Variants in LHFPL4 observed in about 807,000 individuals in gnomAD.
The protein encoded by LHFPL4 is LHFPL tetraspan subfamily member 4 protein.
LHFPL4 carries 6 observed loss-of-function variants against 20.0 expected under a neutral mutation model. That is an observed-to-expected ratio of 0.30 (90% CI 0.16 to 0.59). The LOEUF is 0.59. Among genes scored for constraint, LHFPL4 ranks in the 20% least tolerant of loss-of-function variants. The probability of loss-of-function intolerance (pLI) is 0.88; values close to 1 mark genes in which losing one functional copy is unlikely to be tolerated. For missense variants in LHFPL4, 215 were observed against 331.2 expected (o/e 0.65, Z 2.72); for synonymous variants, 129 against 143.8 (o/e 0.90, Z 0.74).
At position 9,521,465 on chromosome 3, in the gene LHFPL4, G is replaced by A. The variant is rs138370127; in HGVS notation, c.407-15262C>T. On this transcript the variant is annotated intron_variant, in intron 2 of 3. Coordinates refer to ENST00000287585, the MANE Select transcript of LHFPL4 (RefSeq NM_198560.3). ...TGCTGGGGCTGGAGTGCAGTGGCAC[G>A]ATCTCAGCTCACTGCAAGCTCCACC... Among the ~76,000 whole-genome samples the A allele has an allele frequency of 4.7e-3, 716 of 151,146 alleles. 13 individuals carry two copies. The highest frequency in any genetic ancestry group is 0.016 in the African/African-American group (639 of 41,076).
At chr3:9,504,417 T>A (rs2046201437) in intron 3 of LHFPL4, among the ~76,000 whole-genome samples, 1 of 150,884 alleles carries the variant, frequency 6.6e-6, no homozygotes, top group Admixed American at 6.6e-5. Flanking sequence ...CTACCCATAA[T>A]TTGCATATAC....
intron 2 of LHFPL4, among the ~76,000 whole-genome samples, chr3:9,518,046 G>C (rs1280935432): frequency 6.6e-6 from 1 of 152,030 alleles, no homozygotes; most frequent in Non-Finnish European, 1.5e-5. Flanking sequence ...TATAATGTCT[G>C]TTGTAGGTTT....
intron 2 of LHFPL4, among the ~76,000 whole-genome samples, chr3:9,511,615 A>C (rs1052623336): frequency 2.6e-5 from 4 of 152,202 alleles, no homozygotes; most frequent in Non-Finnish European, 4.4e-5. Context: ...TAAATAGAAA[A>C]ACACTATAAA....
At position 9,501,697 on chromosome 3, in the gene LHFPL4, G is replaced by A. The variant is rs968353216; in HGVS notation, c.*514C>T. 4 of 153,854 alleles carry A rather than the reference G, an allele frequency of 2.6e-5. No individual in the cohort carries two copies. The highest frequency in any genetic ancestry group is 1.3e-4 in the Admixed American group (2 of 15,632). 9.5% of individuals were successfully genotyped at this position (153,854 alleles called of 1,614,324 possible). On this transcript the variant is annotated 3_prime_UTR_variant, in exon 4 of 4. Transcript: ENST00000287585. Reference sequence around the variant, plus strand: ...CCAGGGGAGACTGGTGGCACCTGGAGCTTTGTGGCAGATGTGGTGGAACCA... The same window carrying A: ...CCAGGGGAGACTGGTGGCACCTGGAACTTTGTGGCAGATGTGGTGGAACCA...
intron 2 of LHFPL4, among the ~76,000 whole-genome samples, chr3:9,543,510 A>G (rs1027996199): frequency 1.8e-4 from 27 of 151,356 alleles, no homozygotes; most frequent in African/African-American, 6.6e-4. Flanking sequence ...AAAACAAAAA[A>G]AAAAGAAAAA....
At chr3:9,511,730 C>G (rs2046262426) in intron 2 of LHFPL4, among the ~76,000 whole-genome samples, 1 of 152,098 alleles carries the variant, frequency 6.6e-6, no homozygotes, top group South Asian at 2.1e-4. Context: ...TTTAAAAGAC[C>G]TATTAGTAAG....
intron 2 of LHFPL4, among the ~76,000 whole-genome samples, chr3:9,532,089 A>T (rs1308425506): frequency 5.3e-5 from 8 of 149,850 alleles, no homozygotes; most frequent in African/African-American, 2.0e-4. Context: ...ACAGTGGCAC[A>T]ATCGCGGCTC....
chr3:9,504,525 T>TA (rs139044714), intron 3 of LHFPL4, among the ~76,000 whole-genome samples: 16,253 of 152,076 alleles, frequency 0.11, 1,077 homozygotes, highest in Middle Eastern at 0.17. Flanking sequence ...CTTTGCTTTT[T>TA]AAAAAAATAT....
At chr3:9,526,901 T>A (rs2046379070) in intron 2 of LHFPL4, among the ~76,000 whole-genome samples, 1 of 152,090 alleles carries the variant, frequency 6.6e-6, no homozygotes, top group South Asian at 2.1e-4. Context: ...GATATTGGAC[T>A]TCTTAGCCTC....
intron 2 of LHFPL4, among the ~76,000 whole-genome samples, chr3:9,544,333 G>A (rs369999340): frequency 4.0e-5 from 6 of 151,638 alleles, no homozygotes; most frequent in Non-Finnish European, 8.8e-5. Context: ...CTGTCTACAA[G>A]TAAAGTCTGG....
In LHFPL4 at chr3:9,499,633, A is replaced by ACTC. The variant is rs2046156514; in HGVS notation, c.*2575_*2577dup. On this transcript the variant is annotated 3_prime_UTR_variant, in exon 4 of 4. Transcript: ENST00000287585. ...TACGTCCTCTGAAGTGGCTTCCTTC[A>ACTC]CTCCAGTTCTTCCCAAAAGGATGCG... is the stretch of plus-strand genomic sequence containing the variant. 1 of 152,078 alleles carries ACTC rather than the reference A, an allele frequency of 6.6e-6. No individual in the cohort carries two copies. Among genetic ancestry groups the ACTC allele is most frequent in the African/African-American group, 2.4e-5 (1 of 41,292 alleles). 9.4% of individuals were successfully genotyped at this position (152,078 alleles called of 1,614,324 possible). A position where few individuals can be genotyped will look rare whatever the true frequency, so the allele number is the denominator to read the frequency against.
chr3:9,519,937 G>A (rs2046327714), intron 2 of LHFPL4, among the ~76,000 whole-genome samples: 1 of 152,132 alleles, frequency 6.6e-6, no homozygotes, highest in African/African-American at 2.4e-5. Flanking sequence ...GAGATTGTAG[G>A]TGTGAGTCAC....
In LHFPL4 at chr3:9,528,703, T is replaced by C. The variant is rs183557312; in HGVS notation, c.407-22500A>G. ...CAATCTCAGCTCACTGCAACCTCTG[T>C]CTCCCGGGTTCAAGCAATTCTCCTG... is the stretch of plus-strand genomic sequence containing the variant. On this transcript the variant is annotated intron_variant, in intron 2 of 3. Coordinates refer to ENST00000287585, the MANE Select transcript of LHFPL4 (RefSeq NM_198560.3). Among the ~76,000 whole-genome samples the C allele has an allele frequency of 1.7e-3, 259 of 150,510 alleles. 1 individual carries two copies. The highest frequency in any genetic ancestry group is 0.01 in the Admixed American group (152 of 15,138).
chr3:9,514,845 TA>T (rs1310935507), intron 2 of LHFPL4, among the ~76,000 whole-genome samples: 6 of 152,246 alleles, frequency 3.9e-5, no homozygotes, highest in African/African-American at 2.4e-5. Flanking sequence ...CATTTCTTTT[TA>T]GTGCTCAATA....
chr3:9,525,439 G>A (rs1467539825), intron 2 of LHFPL4, among the ~76,000 whole-genome samples: 1 of 152,122 alleles, frequency 6.6e-6, no homozygotes, highest in African/African-American at 2.4e-5. Context: ...CCTGTCTGTC[G>A]CTCCAATTTT....
intron 2 of LHFPL4, among the ~76,000 whole-genome samples, chr3:9,525,291 A>G (rs1050820622): frequency 6.6e-6 from 1 of 152,170 alleles, no homozygotes; most frequent in South Asian, 2.1e-4. Context: ...GGAGTTTTTA[A>G]TGTCTCACAC....
intron 2 of LHFPL4, among the ~76,000 whole-genome samples, chr3:9,531,604 C>G (rs1047174526): frequency 2.0e-5 from 3 of 152,152 alleles, no homozygotes; most frequent in African/African-American, 7.2e-5. Context: ...CAATTCGAGA[C>G]CAGCCTGGCC....
Position 9,501,083 on chromosome 3 carries a change from G to T in LHFPL4, c.*1128C>A. On this transcript the variant is annotated 3_prime_UTR_variant, in exon 4 of 4. Transcript: ENST00000287585. ...TATCGCAAGGCGAGAGGTGGGCCAG[G>T]AGGAGGAAGAGGCTGGGACAGGGTA... 6.5e-6 allele frequency: 1 copy of T among 154,370 alleles called. No homozygotes were observed. The highest frequency in any genetic ancestry group is 1.4e-5 in the Non-Finnish European group (1 of 69,136). 9.6% of individuals were successfully genotyped at this position (154,370 alleles called of 1,614,324 possible). A position where few individuals can be genotyped will look rare whatever the true frequency, so the allele number is the denominator to read the frequency against.
intron 2 of LHFPL4, among the ~76,000 whole-genome samples, chr3:9,510,662 G>A (rs2046251999): frequency 6.6e-6 from 1 of 152,012 alleles, no homozygotes; most frequent in South Asian, 2.1e-4. Context: ...GAGTGGCCCG[G>A]CGCGATGGCT....
Sources: allele counts gnomAD v4.1 joint callset (sites outside exome capture counted in the v4.1 genomes callset), GRCh38; gene constraint gnomAD v4.1.1; transcripts MANE v1.5; gene names NCBI Gene and HGNC (gene_info 2026-07-23, HGNC 2026-07-21).